Variants in MTRF1 observed in about 807,000 individuals in gnomAD.
MTRF1 encodes mitochondrial translation release factor 1, also known as peptide chain release factor 1, mitochondrial.
Under a neutral mutation model 62.9 loss-of-function variants are expected in MTRF1, and 51 were observed. That is an observed-to-expected ratio of 0.81 (90% CI 0.65 to 1.02). The LOEUF is 1.02. MTRF1 is among the 50% of genes least tolerant of loss of function. MTRF1 has a pLI of 0.00. For synonymous variants in MTRF1, 158 were observed against 181.9 expected, an observed-to-expected ratio of 0.87 and a Z score of 1.06; for missense variants, 446 against 530.0, an observed-to-expected ratio of 0.84 and a Z score of 1.56.
At chr13:41,260,992 C>G in intron 1 of MTRF1, 77 bp from the exon 2 acceptor site, 1 of 1,330,126 alleles carries the variant, frequency 7.5e-7, no homozygotes, top group Non-Finnish European at 1.0e-6. Flanking sequence ...GAAGGAACAT[C>G]AAGAAATCTT....
chr13:41,299,041 C>T, the MTRF1 span, among the ~76,000 whole-genome samples: 11 of 151,704 alleles, frequency 7.3e-5, no homozygotes, highest in Non-Finnish European at 1.3e-4. Context: ...ATTAGCTGGG[C>T]GTGACGCACG....
chr13:41,257,593 G>A, intron 2 of MTRF1: 1 of 181,924 alleles, frequency 5.5e-6, no homozygotes, highest in South Asian at 1.0e-4. Flanking sequence ...ATAAAATGAG[G>A]GAAAACACAG....
chr13:41,260,757 GA>G lies in MTRF1; in HGVS notation c.150del (p.His51IlefsTer3). The G allele has an allele frequency of 6.2e-7, 1 of 1,614,146 alleles. No individual in the cohort carries two copies. Among genetic ancestry groups the G allele is most frequent in the Non-Finnish European group, 8.5e-7 (1 of 1,180,020 alleles). On this transcript the variant is annotated frameshift_variant, in exon 2 of 10. Coordinates refer to ENST00000379480, the MANE Select transcript of MTRF1 (RefSeq NM_004294.4). LOFTEE classifies it high-confidence loss of function. ...CTGGACCAATTCTTACTTAACAGAT[GA>G]AGAATGCAATTCCTGTTTTGTCTAA... ...QVFRQNRNCILHLLSKNWSRR... is the reference protein window; with the variant it reads ...QVFRQNRNCIXHLLSKNWSRR...
chr13:41,224,179 C>T (rs1348771173), intron 8 of MTRF1, among the ~76,000 whole-genome samples: 1 of 152,168 alleles, frequency 6.6e-6, no homozygotes, highest in Non-Finnish European at 1.5e-5. Flanking sequence ...ATGCCCTTCT[C>T]TAATACTCTC....
At chr13:41,293,991 A>G in the MTRF1 span, among the ~76,000 whole-genome samples, 1 of 152,216 alleles carries the variant, frequency 6.6e-6, no homozygotes, top group Admixed American at 6.5e-5. Flanking sequence ...GATATGTGAC[A>G]GACAATTCAA....
chr13:41,255,403 A>T (rs1161253255), intron 2 of MTRF1, among the ~76,000 whole-genome samples: 1 of 152,080 alleles, frequency 6.6e-6, no homozygotes, highest in East Asian at 1.9e-4. Flanking sequence ...TTTAAAATAC[A>T]TATCATGGCC....
At chr13:41,268,818 G>GA in the MTRF1 span, among the ~76,000 whole-genome samples, 1 of 152,014 alleles carries the variant, frequency 6.6e-6, no homozygotes, top group African/African-American at 2.4e-5. Flanking sequence ...TAATATTATT[G>GA]TTCTAATTAT....
chr13:41,223,131 C>T, intron 9 of MTRF1, 125 bp downstream of exon 9: 2 of 592,956 alleles, frequency 3.4e-6, no homozygotes, highest in Non-Finnish European at 2.8e-6. Context: ...TTTAGGGTGG[C>T]TTAATGATTT....
chr13:41,247,052 A>T lies in MTRF1; in HGVS notation c.697+5593T>A, dbSNP rs138489881. On this transcript the variant is annotated intron_variant, in intron 5 of 9. Coordinates refer to ENST00000379480, the MANE Select transcript of MTRF1 (RefSeq NM_004294.4). ...GAGTATATGAGTAGTGCCTCAAGGC[A>T]TATGCAGGCATACAACACAGCCTTG... Among the ~76,000 whole-genome samples, 313 of 152,376 alleles carry T rather than the reference A, an allele frequency of 2.1e-3. 1 individual carries two copies. Among genetic ancestry groups the T allele is most frequent in the Admixed American group, 5.6e-3 (85 of 15,306 alleles).
chr13:41,311,626 C>G, the MTRF1 span: 1 of 1,572,178 alleles, frequency 6.4e-7, no homozygotes, highest in Non-Finnish European at 8.6e-7. Context: ...GTCCCCGGGT[C>G]CTCGGGCCTT....
chr13:41,301,892 T>TCCCA, the MTRF1 span, among the ~76,000 whole-genome samples: 1 of 152,208 alleles, frequency 6.6e-6, no homozygotes. Context: ...TGGGGATGAC[T>TCCCA]CCCAGTCTCT....
chr13:41,260,216 A>G (rs1214223749), intron 2 of MTRF1, among the ~76,000 whole-genome samples: 1 of 151,986 alleles, frequency 6.6e-6, no homozygotes, highest in African/African-American at 2.4e-5. Context: ...GGCTATAATC[A>G]TATCGCTTTG....
chr13:41,217,272 A>T, intron 9 of MTRF1, 44 bp from the exon 10 acceptor site: 2 of 1,106,312 alleles, frequency 1.8e-6, no homozygotes, highest in Non-Finnish European at 2.7e-6. Context: ...GATTAGAAAT[A>T]TAAGCAAAGA....
the MTRF1 span, among the ~76,000 whole-genome samples, chr13:41,270,327 C>G: frequency 6.6e-6 from 1 of 151,670 alleles, no homozygotes; most frequent in Non-Finnish European, 1.5e-5. Flanking sequence ...TTTAACTAGT[C>G]TTTTTTCCTG....
chr13:41,258,647 A>C (rs1236671693), intron 2 of MTRF1, among the ~76,000 whole-genome samples: 3 of 151,936 alleles, frequency 2.0e-5, no homozygotes. Flanking sequence ...ACCTAAATGC[A>C]TGGGATAAAA....
In MTRF1 at chr13:41,249,497, C is replaced by T. The variant is rs570573419; in HGVS notation, c.697+3148G>A. 9.2e-5 allele frequency among the ~76,000 whole-genome samples: 14 copies of T among 151,772 alleles called. No individual in the cohort carries two copies. In the South Asian group the frequency reaches 2.5e-3, roughly 27 times the overall value. ...CGGAGCTTGCAGTGAGCTGATATCA[C>T]GCCACTGCACTCCAGCCTAGGTGAC... On this transcript the variant is annotated intron_variant, in intron 5 of 9. Coordinates refer to ENST00000379480, the MANE Select transcript of MTRF1 (RefSeq NM_004294.4).
At chr13:41,291,248 G>A in the MTRF1 span, among the ~76,000 whole-genome samples, 1 of 152,102 alleles carries the variant, frequency 6.6e-6, no homozygotes, top group African/African-American at 2.4e-5. Flanking sequence ...CATGATTACA[G>A]CTCACTGTCA....
chr13:41,241,246 A>G (rs1159150315), intron 5 of MTRF1, among the ~76,000 whole-genome samples: 4 of 152,082 alleles, frequency 2.6e-5, no homozygotes, highest in African/African-American at 4.8e-5. Flanking sequence ...GGGTTTCACT[A>G]TGTTGGCCAG....
chr13:41,272,255 C>T, the MTRF1 span, among the ~76,000 whole-genome samples: 1 of 152,130 alleles, frequency 6.6e-6, no homozygotes, highest in Non-Finnish European at 1.5e-5. Flanking sequence ...TACAGGGATT[C>T]AAGTCATTAA....
Sources: gnomAD v4.1 joint callset for allele counts (sites outside exome capture counted in the v4.1 genomes callset) on GRCh38, gnomAD v4.1.1 for gene constraint, MANE v1.5 for transcripts, NCBI Gene and HGNC (gene_info 2026-07-23, HGNC 2026-07-21) for gene names.